KCNIP4: variants seen among roughly 807,000 people sequenced by gnomAD.
The protein encoded by KCNIP4 is potassium voltage-gated channel interacting protein 4.
Under a neutral mutation model 34.0 loss-of-function variants are expected in KCNIP4, and 12 were observed. The observed-to-expected ratio is 0.35, with a 90% CI of 0.23 to 0.57. KCNIP4 has a LOEUF of 0.57. Ranked by LOEUF, KCNIP4 falls within the 20% of genes least tolerant of loss-of-function variation. KCNIP4 has a pLI of 0.83. For synonymous variants in KCNIP4, 124 were observed against 102.2 expected (o/e 1.21, Z -1.29); for missense variants, 238 against 311.7 (o/e 0.76, Z 1.78).
At chr4:21,790,858 G>C (rs1720229532) in intron 1 of KCNIP4, among the ~76,000 whole-genome samples, 1 of 148,252 alleles carries the variant, frequency 6.7e-6, no homozygotes, top group Non-Finnish European at 1.5e-5. Flanking sequence ...AAGCTGAAAA[G>C]GTATCATTCT....
intron 5 of KCNIP4, among the ~76,000 whole-genome samples, chr4:20,748,597 T>C (rs1431901086): frequency 9.6e-6 from 1 of 104,482 alleles, no homozygotes; most frequent in Non-Finnish European, 2.1e-5. Context: ...TATATATATA[T>C]ATATATATTC....
intron 1 of KCNIP4, among the ~76,000 whole-genome samples, chr4:21,487,232 T>G (rs1473864165): frequency 6.6e-6 from 1 of 152,176 alleles, no homozygotes; most frequent in Non-Finnish European, 1.5e-5. Context: ...TTTCTCAGAC[T>G]TTTTTTGTTT....
At chr4:21,028,990 A>C (rs909088367) in intron 1 of KCNIP4, among the ~76,000 whole-genome samples, 2 of 152,200 alleles carry the variant, frequency 1.3e-5, no homozygotes, top group African/African-American at 4.8e-5. Context: ...GTGGCTAACC[A>C]CTGAATTATA....
intron 1 of KCNIP4, among the ~76,000 whole-genome samples, chr4:21,655,067 T>C (rs1319935604): frequency 6.6e-6 from 1 of 152,132 alleles, no homozygotes; most frequent in African/African-American, 2.4e-5. Context: ...ACCCAGAATA[T>C]CTGTGCAATG....
rs1479043221 is a variant in KCNIP4, at chr4:21,363,085, CAAATG to C, written c.62-480381_62-480377del. ...GAGTTCTTTCTTTATCTCCTTTTTGCAAATGAGAAAACAGAGCCTCAGAGAGGTTT... is the reference window on the plus strand; with the variant it reads ...GAGTTCTTTCTTTATCTCCTTTTTGCAGAAAACAGAGCCTCAGAGAGGTTT... On this transcript the variant is annotated intron_variant, in intron 1 of 8. Coordinates refer to ENST00000382152, the MANE Select transcript of KCNIP4 (RefSeq NM_025221.6). Among the ~76,000 whole-genome samples the C allele has an allele frequency of 3.9e-5, 6 of 152,126 alleles. No individual in the cohort carries two copies. In the East Asian group the frequency reaches 1.2e-3, roughly 29 times the overall value.
intron 1 of KCNIP4, among the ~76,000 whole-genome samples, chr4:21,537,944 G>C (rs1023467280): frequency 6.7e-6 from 1 of 149,026 alleles, no homozygotes; most frequent in African/African-American, 2.5e-5. Flanking sequence ...CCAGGGAGGC[G>C]GAGGTTGAAG....
intron 1 of KCNIP4, among the ~76,000 whole-genome samples, chr4:21,624,738 TC>T (rs1202683549): frequency 1.3e-5 from 2 of 152,146 alleles, no homozygotes; most frequent in Non-Finnish European, 2.9e-5. Flanking sequence ...GCAATATGTT[TC>T]AACAAGTGAA....
chr4:21,501,240 TCTCTCTCTCA>T (rs1314845477), intron 1 of KCNIP4, among the ~76,000 whole-genome samples: 8 of 131,782 alleles, frequency 6.1e-5, no homozygotes, highest in African/African-American at 2.4e-4. Context: ...TCTCTCTCTC[TCTCTCTCTCA>T]CACACACACA....
intron 1 of KCNIP4, among the ~76,000 whole-genome samples, chr4:20,935,621 T>C (rs1310950726): frequency 6.6e-6 from 1 of 152,206 alleles, no homozygotes; most frequent in Non-Finnish European, 1.5e-5. Context: ...TGTCACCTCT[T>C]TGTAAAATAT....
rs1488726518 is a variant in KCNIP4 at position 21,700,021 on chromosome 4, T to C, written c.61+248550A>G. ...CAATTTGGTACACTGAATAGGGACA[T>C]GAGGGAAAGAAAAGAATTAAGAATG... On this transcript the variant is annotated intron_variant, in intron 1 of 8. Transcript: ENST00000382152. Among the ~76,000 whole-genome samples the C allele has an allele frequency of 2.0e-5, 3 of 152,162 alleles. No individual in the cohort carries two copies. The South Asian group carries it at 6.2e-4, about 32-fold the overall frequency.
At chr4:20,767,427 G>A (rs941676895) in intron 3 of KCNIP4, 1 of 152,156 alleles carries the variant, frequency 6.6e-6, no homozygotes, top group African/African-American at 2.4e-5. Flanking sequence ...TACATGGTAT[G>A]TTTGAAATCA....
At chr4:21,393,330 T>G (rs924281976) in intron 1 of KCNIP4, among the ~76,000 whole-genome samples, 2 of 152,144 alleles carry the variant, frequency 1.3e-5, no homozygotes, top group African/African-American at 4.8e-5. Flanking sequence ...TTCAATGAAT[T>G]TAACTCTAAA....
intron 1 of KCNIP4, among the ~76,000 whole-genome samples, chr4:21,552,173 G>A (rs184902730): frequency 4.3e-4 from 65 of 152,030 alleles, no homozygotes; most frequent in Admixed American, 2.4e-3. Context: ...ATTAGAAAAT[G>A]TTAATTCAAT....
chr4:21,216,035 C>T (rs1331733110), intron 1 of KCNIP4, among the ~76,000 whole-genome samples: 1 of 152,170 alleles, frequency 6.6e-6, no homozygotes, highest in Non-Finnish European at 1.5e-5. Flanking sequence ...AAGCAATCCT[C>T]CAGCCTCAGC....
At chr4:21,822,572 T>C (rs1039103999) in intron 1 of KCNIP4, among the ~76,000 whole-genome samples, 13 of 152,274 alleles carry the variant, frequency 8.5e-5, no homozygotes, top group Admixed American at 8.5e-4. Flanking sequence ...AAATTGGTAG[T>C]TTACATGGGA....
rs376516822 is a variant in KCNIP4, at chr4:21,859,270, CT to C, written c.61+89300del. Among the ~76,000 whole-genome samples, 337 of 152,204 alleles carry C rather than the reference CT, an allele frequency of 2.2e-3. 1 individual carries two copies. Among genetic ancestry groups the C allele is most frequent in the African/African-American group, 7.8e-3 (322 of 41,524 alleles). ...GCAGAATGGTCGAGAGAGACAGACA[CT>C]TGACTTCCCTTCATCGCTGTCCTGC... On this transcript the variant is annotated intron_variant, in intron 1 of 8. Coordinates refer to ENST00000382152, the MANE Select transcript of KCNIP4 (RefSeq NM_025221.6).
At position 21,218,285 on chromosome 4, in the gene KCNIP4, G is replaced by A. The variant is rs190910867; in HGVS notation, c.62-335576C>T. 4.5e-4 allele frequency among the ~76,000 whole-genome samples: 69 copies of A among 152,104 alleles called. No homozygotes were observed. The Middle Eastern group carries it at 0.01, about 22-fold the overall frequency. On this transcript the variant is annotated intron_variant, in intron 1 of 8. Transcript: ENST00000382152. Reference sequence around the variant, plus strand: ...CCGCCTCGGCCTTCCAAAGTGCTGGGATTACAGACATGAGCCACTGCACCC... The same window carrying A: ...CCGCCTCGGCCTTCCAAAGTGCTGGAATTACAGACATGAGCCACTGCACCC...
intron 1 of KCNIP4, among the ~76,000 whole-genome samples, chr4:20,965,084 T>C (rs148434817): frequency 2.0e-5 from 3 of 152,296 alleles, no homozygotes; most frequent in Non-Finnish European, 4.4e-5. Flanking sequence ...TAACCTTCTG[T>C]TTGGGATTTG....
intron 2 of KCNIP4, among the ~76,000 whole-genome samples, chr4:20,872,875 C>A (rs1723631716): frequency 6.6e-6 from 1 of 152,052 alleles, no homozygotes; most frequent in Non-Finnish European, 1.5e-5. Flanking sequence ...TTGTTTAATT[C>A]TTGTTTCAAA....
Sources: allele counts gnomAD v4.1 joint callset (sites outside exome capture counted in the v4.1 genomes callset), GRCh38; gene constraint gnomAD v4.1.1; transcripts MANE v1.5; gene names NCBI Gene and HGNC (gene_info 2026-07-23, HGNC 2026-07-21).